FAM53B: variants seen among roughly 807,000 people sequenced by gnomAD.
FAM53B encodes the protein family with sequence similarity 53 member B.
A neutral mutation model predicts 32.7 loss-of-function variants in FAM53B; 12 were observed. The ratio of observed to expected loss-of-function variants is 0.37; its 90% CI spans 0.24 to 0.59. The LOEUF (loss-of-function observed/expected upper bound fraction) is 0.59, where lower values mean the gene tolerates loss of function less well. Among genes scored for constraint, FAM53B ranks in the 20% least tolerant of loss-of-function variants. The pLI is 0.72. For synonymous variants in FAM53B, 234 were observed against 228.7 expected (o/e 1.02, Z -0.21); for missense variants, 477 against 577.7 (o/e 0.83, Z 1.79).
At chr10:124,683,030 C>A (rs1053390575) in intron 3 of FAM53B, among the ~76,000 whole-genome samples, 2 of 152,246 alleles carry the variant, frequency 1.3e-5, no homozygotes, top group African/African-American at 4.8e-5. Context: ...CCAATCACAG[C>A]ACTTTCTCTG....
intron 4 of FAM53B, among the ~76,000 whole-genome samples, chr10:124,636,837 G>A (rs1002779958): frequency 6.6e-6 from 1 of 151,776 alleles, no homozygotes; most frequent in Non-Finnish European, 1.5e-5. Context: ...TGATGTCTGT[G>A]ACGCCAGAGC....
intron 4 of FAM53B, among the ~76,000 whole-genome samples, chr10:124,671,513 A>C (rs977438680): frequency 6.6e-6 from 1 of 152,182 alleles, no homozygotes; most frequent in Non-Finnish European, 1.5e-5. Flanking sequence ...TCTGTCCCCA[A>C]CAGGCCCTGG....
intron 1 of FAM53B, among the ~76,000 whole-genome samples, chr10:124,723,979 A>G (rs1950086662): frequency 6.6e-6 from 1 of 152,222 alleles, no homozygotes; most frequent in African/African-American, 2.4e-5. Context: ...TCTCGTCCCA[A>G]GTCCAACACG....
At chr10:124,686,897 T>C (rs1390228498) in intron 3 of FAM53B, among the ~76,000 whole-genome samples, 1 of 152,260 alleles carries the variant, frequency 6.6e-6, no homozygotes, top group African/African-American at 2.4e-5. Context: ...ACCTGGGCCA[T>C]GTGGCCATGT....
chr10:124,740,094 C>G (rs149473918), intron 1 of FAM53B, among the ~76,000 whole-genome samples: 1 of 152,188 alleles, frequency 6.6e-6, no homozygotes, highest in African/African-American at 2.4e-5. Context: ...TCCAAGACAC[C>G]CAGAAGCCAA....
intron 1 of FAM53B, chr10:124,713,648 C>A (rs1457185470): frequency 2.0e-5 from 3 of 152,212 alleles, no homozygotes; most frequent in Admixed American, 1.3e-4. Flanking sequence ...ACCAAATGCT[C>A]TGTAATGCAT....
At chr10:124,670,554 G>A (rs75761168) in intron 4 of FAM53B, among the ~76,000 whole-genome samples, 3,054 of 152,054 alleles carry the variant, frequency 0.02, 55 homozygotes, top group South Asian at 0.055. Flanking sequence ...TGTGCCCTGC[G>A]CTCACCACGC....
intron 4 of FAM53B, among the ~76,000 whole-genome samples, chr10:124,668,442 C>T (rs1156309221): frequency 6.6e-6 from 1 of 152,266 alleles, no homozygotes; most frequent in South Asian, 2.1e-4. Context: ...GATGGAAACT[C>T]TCTAGGTGAA....
At chr10:124,665,925 T>C (rs1166782649) in intron 4 of FAM53B, among the ~76,000 whole-genome samples, 1 of 114,276 alleles carries the variant, frequency 8.8e-6, no homozygotes, top group African/African-American at 3.7e-5. Context: ...GTCGGCTACG[T>C]AGACACAGCT....
intron 4 of FAM53B, among the ~76,000 whole-genome samples, chr10:124,633,959 C>T (rs1949409496): frequency 6.6e-6 from 1 of 152,188 alleles, no homozygotes; most frequent in Non-Finnish European, 1.5e-5. Context: ...ATGCCAAAAG[C>T]ACTGGTAGGA....
intron 4 of FAM53B, among the ~76,000 whole-genome samples, chr10:124,663,340 C>A (rs753175942): frequency 4.6e-5 from 7 of 152,222 alleles, no homozygotes; most frequent in Non-Finnish European, 7.3e-5. Flanking sequence ...TGCCCTCGTT[C>A]CTAGGAAAAG....
At chr10:124,717,772 T>C (rs1167703454) in intron 1 of FAM53B, among the ~76,000 whole-genome samples, 3 of 152,182 alleles carry the variant, frequency 2.0e-5, no homozygotes, top group Admixed American at 6.5e-5. Context: ...ACAACCTGAT[T>C]TAGAGGAGTT....
intron 4 of FAM53B, among the ~76,000 whole-genome samples, chr10:124,657,175 TAC>T (rs1214388958): frequency 0.027 from 555 of 20,850 alleles, 5 homozygotes; most frequent in Admixed American, 0.052. Flanking sequence ...TATATATATG[TAC>T]ATATATATAT....
chr10:124,713,744 C>G (rs1054934944), intron 1 of FAM53B: 21 of 152,222 alleles, frequency 1.4e-4, no homozygotes, highest in Admixed American at 9.8e-4. Flanking sequence ...CCTGTACGTA[C>G]TACTTGCACA....
intron 4 of FAM53B, among the ~76,000 whole-genome samples, chr10:124,639,681 C>G (rs541103818): frequency 5.9e-5 from 9 of 152,194 alleles, no homozygotes; most frequent in East Asian, 5.8e-4. Flanking sequence ...CTTTTCCCCC[C>G]CTTTCTATAT....
At chr10:124,694,054 CA>C (rs1174969420) in intron 3 of FAM53B, among the ~76,000 whole-genome samples, 1 of 152,208 alleles carries the variant, frequency 6.6e-6, no homozygotes, top group African/African-American at 2.4e-5. Flanking sequence ...AGATGAGACC[CA>C]TGGAGAGAGA....
intron 2 of FAM53B, among the ~76,000 whole-genome samples, chr10:124,705,177 C>T (rs1949944735): frequency 6.6e-6 from 1 of 152,178 alleles, no homozygotes; most frequent in Non-Finnish European, 1.5e-5. Flanking sequence ...CAGAGTGGCA[C>T]CAGTGTCACA....
At chr10:124,724,703 T>C (rs920639636) in intron 1 of FAM53B, among the ~76,000 whole-genome samples, 1 of 152,014 alleles carries the variant, frequency 6.6e-6, no homozygotes, top group Admixed American at 6.5e-5. Context: ...TCCCCCAATA[T>C]ACCAACAGCC....
chr10:124,649,987 C>T (rs1222089391), intron 4 of FAM53B, among the ~76,000 whole-genome samples: 1 of 152,172 alleles, frequency 6.6e-6, no homozygotes, highest in African/African-American at 2.4e-5. Context: ...TCCTCGCAGG[C>T]TCACTCCCTC....
Sources: allele counts gnomAD v4.1 joint callset (sites outside exome capture counted in the v4.1 genomes callset), GRCh38; gene constraint gnomAD v4.1.1; transcripts MANE v1.5; gene names NCBI Gene and HGNC (gene_info 2026-07-23, HGNC 2026-07-21).